The following MACROD2 variants were observed in gnomAD, a reference collection of about 807,000 sequenced individuals.
MACROD2 encodes ADP-ribose glycohydrolase MACROD2.
Under a neutral mutation model 70.4 loss-of-function variants are expected in MACROD2, and 36 were observed. The ratio of observed to expected loss-of-function variants is 0.51; its 90% CI spans 0.39 to 0.68. The LOEUF (loss-of-function observed/expected upper bound fraction) is 0.68. Among genes scored for constraint, MACROD2 ranks in the 30% least tolerant of loss-of-function variants. The pLI is 0.00. For missense variants in MACROD2, 496 were observed against 538.4 expected, an observed-to-expected ratio of 0.92 and a Z score of 0.78; for synonymous variants, 172 against 178.8, an observed-to-expected ratio of 0.96 and a Z score of 0.30.
chr20:15,246,599 T>C (rs941197523), intron 6 of MACROD2, among the ~76,000 whole-genome samples: 1 of 152,178 alleles, frequency 6.6e-6, no homozygotes, highest in African/African-American at 2.4e-5. Context: ...ATTAAAAATT[T>C]GAAACTCTTA....
chr20:14,676,588 G>A (rs2070864465), intron 4 of MACROD2, among the ~76,000 whole-genome samples: 1 of 152,158 alleles, frequency 6.6e-6, no homozygotes, highest in Admixed American at 6.5e-5. Flanking sequence ...GAAATTTATA[G>A]CACTAAATGC....
At chr20:15,128,747 C>G (rs964977211) in intron 5 of MACROD2, among the ~76,000 whole-genome samples, 9 of 151,976 alleles carry the variant, frequency 5.9e-5, no homozygotes, top group African/African-American at 1.7e-4. Flanking sequence ...GTAATTAGGA[C>G]TATATCCCAT....
intron 4 of MACROD2, among the ~76,000 whole-genome samples, chr20:14,617,915 G>A (rs1600462070): frequency 6.6e-6 from 1 of 152,270 alleles, no homozygotes; most frequent in East Asian, 1.9e-4. Flanking sequence ...GTGATAATTT[G>A]TACAGAACTA....
chr20:15,708,834 G>C (rs1278896399), intron 8 of MACROD2, among the ~76,000 whole-genome samples: 1 of 152,020 alleles, frequency 6.6e-6, no homozygotes, highest in African/African-American at 2.4e-5. Flanking sequence ...AGACCAGCCT[G>C]GGCAAAATAG....
intron 3 of MACROD2, among the ~76,000 whole-genome samples, chr20:14,246,745 A>AC (rs2081971088): frequency 6.6e-6 from 1 of 152,214 alleles, no homozygotes; most frequent in Admixed American, 6.5e-5. Context: ...ACCCAGTTTA[A>AC]CCCTTTTTAA....
intron 8 of MACROD2, among the ~76,000 whole-genome samples, chr20:15,770,766 A>G (rs930416169): frequency 6.6e-6 from 1 of 152,144 alleles, no homozygotes; most frequent in African/African-American, 2.4e-5. Flanking sequence ...AGAAGGGCTC[A>G]AATCCACTCC....
chr20:15,711,604 G>A (rs1392470205), intron 8 of MACROD2, among the ~76,000 whole-genome samples: 1 of 152,192 alleles, frequency 6.6e-6, no homozygotes, highest in Admixed American at 6.5e-5. Flanking sequence ...CTGCAGCTTG[G>A]GGAAATGGCG....
chr20:14,295,592 C>T (rs1361027880), intron 3 of MACROD2, among the ~76,000 whole-genome samples: 1 of 151,796 alleles, frequency 6.6e-6, no homozygotes, highest in African/African-American at 2.4e-5. Context: ...GTGGTAATAC[C>T]TGGTGCTACC....
At chr20:14,226,452 C>T (rs917611698) in intron 3 of MACROD2, among the ~76,000 whole-genome samples, 1 of 152,184 alleles carries the variant, frequency 6.6e-6, no homozygotes, top group Non-Finnish European at 1.5e-5. Flanking sequence ...TGTGTGAGCC[C>T]CTTTCTGGGC....
intron 3 of MACROD2, among the ~76,000 whole-genome samples, chr20:14,458,272 A>G (rs2084327107): frequency 6.6e-6 from 1 of 152,116 alleles, no homozygotes; most frequent in Non-Finnish European, 1.5e-5. Context: ...GAAATATTTT[A>G]TGATTGTGGC....
In MACROD2 at chr20:15,862,823, G is replaced by A. The variant is rs143525826; in HGVS notation, c.724G>A (p.Val242Ile). The stretch of plus-strand genomic sequence containing the variant: ...AAAGAAAATGAATGAGTTTTTCTCC[G>A]TAGGTGAGTAAAGCAACTTCTTGTT... ...YKKKMNEFFSVDDNNEEEEDV... is the reference protein window; with the variant it reads ...YKKKMNEFFSIDDNNEEEEDV... The change falls in exon 9 of 18, where the codon GTA becomes ATA. Residue 242 changes from valine (V) to isoleucine (I), a missense_variant. By Grantham distance (29) the Val-to-Ile change is conservative. Transcript: ENST00000684519. 203 of 1,605,154 alleles carry A rather than the reference G, an allele frequency of 1.3e-4. No homozygotes were observed. The highest frequency in any genetic ancestry group is 1.2e-3 in the Admixed American group (73 of 58,836).
intron 5 of MACROD2, among the ~76,000 whole-genome samples, chr20:15,022,699 G>A (rs1169576490): frequency 6.6e-6 from 1 of 152,124 alleles, no homozygotes; most frequent in Non-Finnish European, 1.5e-5. Context: ...TCATTACATA[G>A]CTTTATGAGT....
chr20:14,742,112 A>G (rs1049584558), intron 5 of MACROD2, among the ~76,000 whole-genome samples: 4 of 152,178 alleles, frequency 2.6e-5, no homozygotes, highest in African/African-American at 9.6e-5. Context: ...TCATTTGAAT[A>G]AAGGATTTAA....
At chr20:14,810,567 A>G (rs1264976717) in intron 5 of MACROD2, among the ~76,000 whole-genome samples, 2 of 152,142 alleles carry the variant, frequency 1.3e-5, no homozygotes, top group East Asian at 3.9e-4. Context: ...CCTATTCAAC[A>G]TAGTATTGGA....
At chr20:15,487,758 A>C (rs2047180775) in intron 7 of MACROD2, among the ~76,000 whole-genome samples, 2 of 152,222 alleles carry the variant, frequency 1.3e-5, no homozygotes. Context: ...GAGAAGTTTT[A>C]CAGAGGAATT....
intron 5 of MACROD2, among the ~76,000 whole-genome samples, chr20:14,690,870 A>G (rs1192830250): frequency 6.6e-6 from 1 of 152,170 alleles, no homozygotes; most frequent in Admixed American, 6.5e-5. Context: ...GCCTCTGTGG[A>G]AAAAGTTTGC....
intron 6 of MACROD2, among the ~76,000 whole-genome samples, chr20:15,273,517 G>A (rs2146072837): frequency 6.6e-6 from 1 of 152,156 alleles, no homozygotes; most frequent in Middle Eastern, 3.4e-3. Context: ...TCTCTACAAT[G>A]AATTGCAAAG....
intron 5 of MACROD2, among the ~76,000 whole-genome samples, chr20:15,140,342 A>ATCTG (rs1601129283): frequency 6.6e-6 from 1 of 151,846 alleles, no homozygotes; most frequent in Non-Finnish European, 1.5e-5. Flanking sequence ...AGAAAGGCCT[A>ATCTG]TCAGTACATT....
At chr20:15,389,866 T>C (rs960555638) in intron 6 of MACROD2, among the ~76,000 whole-genome samples, 3 of 152,208 alleles carry the variant, frequency 2.0e-5, no homozygotes, top group Admixed American at 6.5e-5. Flanking sequence ...AGTTCAGTGT[T>C]GCCTTAAATG....
Sources: gnomAD v4.1 joint callset for allele counts (sites outside exome capture counted in the v4.1 genomes callset) on GRCh38, gnomAD v4.1.1 for gene constraint, MANE v1.5 for transcripts, NCBI Gene and HGNC (gene_info 2026-07-23, HGNC 2026-07-21) for gene names.